PRR16: variants seen among roughly 807,000 people sequenced by gnomAD.
PRR16 encodes protein Largen.
PRR16 carries 6 observed loss-of-function variants against 18.2 expected under a neutral mutation model. The observed-to-expected ratio is 0.33, with a 90% CI of 0.18 to 0.65. The LOEUF (loss-of-function observed/expected upper bound fraction) is 0.65, where lower values mean the gene tolerates loss of function less well. Among genes scored for constraint, PRR16 ranks in the 30% least tolerant of loss-of-function variants. PRR16 has a pLI of 0.74. For synonymous variants in PRR16, 151 were observed against 147.8 expected (o/e 1.02, Z -0.16); for missense variants, 412 against 376.6 (o/e 1.09, Z -0.78).
chr5:120,739,533 G>C, the PRR16 span, among the ~76,000 whole-genome samples: 131 of 152,162 alleles, frequency 8.6e-4, 1 homozygote, highest in Middle Eastern at 3.4e-3. Flanking sequence ...TATACTGAAA[G>C]GTAAAATTGG....
the PRR16 span, among the ~76,000 whole-genome samples, chr5:120,723,893 G>C: frequency 6.6e-6 from 1 of 151,002 alleles, no homozygotes; most frequent in Non-Finnish European, 1.5e-5. Context: ...TTATTCTTAA[G>C]GTTTTGCATT....
chr5:120,717,295 G>A, the PRR16 span, among the ~76,000 whole-genome samples: 1 of 152,084 alleles, frequency 6.6e-6, no homozygotes, highest in African/African-American at 2.4e-5. Flanking sequence ...TCTTGTATAT[G>A]TCTTTAGCCA....
chr5:120,650,314 A>T (rs1387187604), intron 1 of PRR16, among the ~76,000 whole-genome samples: 1 of 150,610 alleles, frequency 6.6e-6, no homozygotes, highest in African/African-American at 2.4e-5. Flanking sequence ...TTATCAAATG[A>T]TTTTTTTTCT....
chr5:120,608,264 G>T (rs552576160), intron 1 of PRR16, among the ~76,000 whole-genome samples: 17 of 152,084 alleles, frequency 1.1e-4, no homozygotes, highest in African/African-American at 3.9e-4. Flanking sequence ...CGTTGCTCTT[G>T]GCCTTTTAAA....
intron 1 of PRR16, among the ~76,000 whole-genome samples, chr5:120,591,642 T>C (rs1753639216): frequency 6.6e-6 from 1 of 152,030 alleles, no homozygotes; most frequent in South Asian, 2.1e-4. Context: ...CTTATGTTAG[T>C]TTATTTTATT....
intron 1 of PRR16, among the ~76,000 whole-genome samples, chr5:120,466,721 G>C (rs1749117936): frequency 6.6e-6 from 1 of 152,030 alleles, no homozygotes; most frequent in Non-Finnish European, 1.5e-5. Flanking sequence ...GTTTATAAGA[G>C]GAATAAAAAG....
At chr5:120,569,634 G>A (rs1752842578) in intron 1 of PRR16, among the ~76,000 whole-genome samples, 1 of 152,050 alleles carries the variant, frequency 6.6e-6, no homozygotes, top group Non-Finnish European at 1.5e-5. Context: ...GAGATGATAA[G>A]AACAAAACAT....
intron 1 of PRR16, among the ~76,000 whole-genome samples, chr5:120,642,450 C>T (rs1755453568): frequency 6.6e-6 from 1 of 151,938 alleles, no homozygotes; most frequent in Non-Finnish European, 1.5e-5. Context: ...TGCTGGATAA[C>T]ACAAGGTACC....
intron 1 of PRR16, among the ~76,000 whole-genome samples, chr5:120,628,615 T>G (rs887765162): frequency 6.6e-6 from 1 of 152,016 alleles, no homozygotes; most frequent in Non-Finnish European, 1.5e-5. Context: ...ATTTTTTGTA[T>G]GAAATTTTCT....
intron 1 of PRR16, among the ~76,000 whole-genome samples, chr5:120,627,190 A>G (rs1369088367): frequency 6.6e-6 from 1 of 152,140 alleles, no homozygotes; most frequent in Non-Finnish European, 1.5e-5. Flanking sequence ...CAACAGTCAT[A>G]CAGGGATTAA....
chr5:120,776,839 C>G, the PRR16 span, among the ~76,000 whole-genome samples: 4 of 151,880 alleles, frequency 2.6e-5, no homozygotes, highest in Admixed American at 2.6e-4. Flanking sequence ...AAGTATTGCT[C>G]TGTTTTTATT....
chr5:120,775,978 A>G, the PRR16 span, among the ~76,000 whole-genome samples: 4 of 151,702 alleles, frequency 2.6e-5, no homozygotes, highest in African/African-American at 4.8e-5. Flanking sequence ...CTTACTTTCC[A>G]GATAAAAACA....
intron 1 of PRR16, among the ~76,000 whole-genome samples, chr5:120,546,315 A>C (rs1225712304): frequency 6.6e-6 from 1 of 152,110 alleles, no homozygotes; most frequent in Non-Finnish European, 1.5e-5. Flanking sequence ...TACCTGGTGG[A>C]TTATGAAAAT....
chr5:120,650,153 G>A (rs1027993471), intron 1 of PRR16, among the ~76,000 whole-genome samples: 1 of 151,328 alleles, frequency 6.6e-6, no homozygotes, highest in African/African-American at 2.4e-5. Flanking sequence ...GGAAGTGGAG[G>A]TTGCAGTGAG....
chr5:120,571,031 T>TA (rs1323837553), intron 1 of PRR16, among the ~76,000 whole-genome samples: 3 of 152,164 alleles, frequency 2.0e-5, no homozygotes, highest in Non-Finnish European at 1.5e-5. Flanking sequence ...TGTTATTTTA[T>TA]ATACAGTGGT....
At chr5:120,652,317 G>C (rs1039115728) in intron 1 of PRR16, among the ~76,000 whole-genome samples, 4 of 152,008 alleles carry the variant, frequency 2.6e-5, no homozygotes, top group Non-Finnish European at 4.4e-5. Context: ...TTTCTGTATA[G>C]TATAGCAGTC....
At chr5:120,529,754 A>G (rs139756305) in intron 1 of PRR16, among the ~76,000 whole-genome samples, 182 of 152,270 alleles carry the variant, frequency 1.2e-3, no homozygotes, top group African/African-American at 4.2e-3. Context: ...TAAGGATTTA[A>G]GAATAGAGTA....
chr5:120,466,167 T>C (rs912321111), intron 1 of PRR16, among the ~76,000 whole-genome samples: 7 of 152,202 alleles, frequency 4.6e-5, no homozygotes, highest in Admixed American at 1.3e-4. Flanking sequence ...TGTAGGATTA[T>C]TGCTTCACAA....
chr5:120,516,241 T>C (rs1044514607), intron 1 of PRR16, among the ~76,000 whole-genome samples: 5 of 152,134 alleles, frequency 3.3e-5, no homozygotes, highest in African/African-American at 7.2e-5. Flanking sequence ...CTGGCCAACA[T>C]GGCGAAACGC....
Sources: allele counts gnomAD v4.1 joint callset (sites outside exome capture counted in the v4.1 genomes callset), GRCh38; gene constraint gnomAD v4.1.1; transcripts MANE v1.5; gene names NCBI Gene and HGNC (gene_info 2026-07-23, HGNC 2026-07-21).